ATAD2B: variants seen among roughly 807,000 people sequenced by gnomAD.
The protein encoded by ATAD2B is ATPase family AAA domain containing 2B.
In ATAD2B, 40 loss-of-function variants were observed where a neutral mutation model predicts 167.6. That is an observed-to-expected ratio of 0.24 (90% CI 0.19 to 0.31). The LOEUF is 0.31. Among genes scored for constraint, ATAD2B ranks in the 10% least tolerant of loss-of-function variants. ATAD2B has a pLI of 1.00. For synonymous variants in ATAD2B, 579 were observed against 596.5 expected (o/e 0.97, Z 0.43); for missense variants, 1,242 against 1,757.2 (o/e 0.71, Z 5.24).
At chr2:23,801,823 C>T (rs1260064748) in intron 18 of ATAD2B, among the ~76,000 whole-genome samples, 1 of 152,050 alleles carries the variant, frequency 6.6e-6, no homozygotes. Context: ...CAAGGAAGCA[C>T]TCATGATATA....
chr2:23,741,717 C>G, the ATAD2B span, among the ~76,000 whole-genome samples: 1 of 152,062 alleles, frequency 6.6e-6, no homozygotes, highest in Admixed American at 6.5e-5. Context: ...TCTAATTAAA[C>G]TAAAGAGCTT....
the ATAD2B span, among the ~76,000 whole-genome samples, chr2:23,737,933 G>C: frequency 6.6e-6 from 1 of 152,110 alleles, no homozygotes; most frequent in East Asian, 1.9e-4. Flanking sequence ...GCGATAAACT[G>C]GAAGAAAGGG....
chr2:23,904,537 C>CTTTTTTTTTTTTTTTTTTTTTTTTTTT (rs34666567), intron 1 of ATAD2B, among the ~76,000 whole-genome samples: 2 of 137,680 alleles, frequency 1.5e-5, no homozygotes, highest in African/African-American at 2.7e-5. Context: ...ATTTTCCTTC[C>CTTTTTTTTTTTTTTTTTTTTTTTTTTT]TTTTTTTTTT....
chr2:23,916,814 A>C (rs1275430316), intron 1 of ATAD2B, among the ~76,000 whole-genome samples: 1 of 152,226 alleles, frequency 6.6e-6, no homozygotes, highest in Non-Finnish European at 1.5e-5. Flanking sequence ...GTGAGCCTGG[A>C]AACAGCAGCC....
intron 4 of ATAD2B, among the ~76,000 whole-genome samples, chr2:23,886,368 T>A (rs1698661286): frequency 6.6e-6 from 1 of 152,148 alleles, no homozygotes; most frequent in South Asian, 2.1e-4. Context: ...AATATAAGGC[T>A]TTTGTTAATA....
chr2:23,679,283 T>C, the ATAD2B span, among the ~76,000 whole-genome samples: 326 of 152,356 alleles, frequency 2.1e-3, 1 homozygote, highest in African/African-American at 7.6e-3. Flanking sequence ...ACTCAGCCAA[T>C]CTAGGTCAGG....
Position 23,920,984 on chromosome 2 carries a change from C to T in ATAD2B, c.216+5571G>A, listed in dbSNP as rs566810793. ...CTTTGGGAGACCGAGGCGGGCGGGT[C>T]GCCTGAGGTCAGGAGTTCGAGACCA... On this transcript the variant is annotated intron_variant, in intron 1 of 27. Transcript: ENST00000238789. Among the ~76,000 whole-genome samples, 6 of 152,098 alleles carry T rather than the reference C, an allele frequency of 3.9e-5. No homozygotes were observed. In the East Asian group the frequency reaches 1.2e-3, roughly 29 times the overall value.
chr2:23,926,712 C>T lies in ATAD2B; in HGVS notation c.59G>A (p.Gly20Glu). ...RLLGSKSPGPGPGPGAGAEPG... is the reference protein window; with the variant it reads ...RLLGSKSPGPEPGPGAGAEPG... ...CTCTGCTCCGGCCCCAGGCCCAGGCCCGGGACCAGGAGACTTGGACCCGAG... is the reference window on the plus strand; with the variant it reads ...CTCTGCTCCGGCCCCAGGCCCAGGCTCGGGACCAGGAGACTTGGACCCGAG... The change falls in exon 1 of 28, where the codon GGG becomes GAG. Residue 20 changes from glycine (G) to glutamate (E), a missense_variant. Gly to Glu is a moderately conservative substitution (Grantham distance 98). This residue lies in a region of ATAD2B where 199 missense variants were observed against 194.9 expected (regional missense o/e 1.02). Coordinates refer to ENST00000238789, the MANE Select transcript of ATAD2B (RefSeq NM_017552.4). The T allele has an allele frequency of 6.5e-7, 1 of 1,550,054 alleles. No individual in the cohort carries two copies. Among genetic ancestry groups the T allele is most frequent in the African/African-American group, 1.4e-5 (1 of 73,024 alleles).
chr2:23,873,605 T>C (rs765894999), intron 8 of ATAD2B, among the ~76,000 whole-genome samples: 1 of 152,200 alleles, frequency 6.6e-6, no homozygotes, highest in Non-Finnish European at 1.5e-5. Context: ...GCTATATAAA[T>C]AGTCATCAAG....
intron 17 of ATAD2B, 53 bp downstream of exon 17, chr2:23,819,694 T>A: frequency 7.3e-7 from 1 of 1,361,644 alleles, no homozygotes; most frequent in Non-Finnish European, 1.0e-6. Flanking sequence ...ATTCTAATCA[T>A]AAAGTATCAA....
chr2:23,754,819 G>T, intron 25 of ATAD2B, 45 bp from the exon 26 acceptor site: 1 of 1,577,378 alleles, frequency 6.3e-7, no homozygotes, highest in Non-Finnish European at 8.6e-7. Flanking sequence ...TAAAAGTTAA[G>T]AAAAACCAGT....
At chr2:23,778,521 T>C (rs2149372039) in intron 22 of ATAD2B, among the ~76,000 whole-genome samples, 1 of 152,290 alleles carries the variant, frequency 6.6e-6, no homozygotes, top group South Asian at 2.1e-4. Flanking sequence ...AATATGCAGG[T>C]ACCCACTAAG....
the ATAD2B span, among the ~76,000 whole-genome samples, chr2:23,718,972 T>C: frequency 6.6e-6 from 1 of 152,210 alleles, no homozygotes; most frequent in South Asian, 2.1e-4. Context: ...TAATCTCCCA[T>C]CTTAAGATCC....
chr2:23,750,701 C>A lies in ATAD2B; in HGVS notation c.*1345G>T, dbSNP rs1675253179. On this transcript the variant is annotated 3_prime_UTR_variant, in exon 28 of 28. Coordinates refer to ENST00000238789, the MANE Select transcript of ATAD2B (RefSeq NM_017552.4). ...AATTTTCTTTTTGTTTAAAAATCAT[C>A]TGATAAAAAAAGTCACTGCATCCTT... 1 of 152,128 alleles carries A rather than the reference C, an allele frequency of 6.6e-6. No homozygotes were observed. The highest frequency in any genetic ancestry group is 1.5e-5 in the Non-Finnish European group (1 of 68,006). The allele number at this position is 152,128 out of a possible 1,614,324, so 9.4% of individuals were successfully genotyped here.
chr2:23,909,858 TG>T (rs1428012059), intron 1 of ATAD2B, among the ~76,000 whole-genome samples: 3 of 151,818 alleles, frequency 2.0e-5, no homozygotes, highest in Non-Finnish European at 1.5e-5. Flanking sequence ...TGTTTTTTTT[TG>T]TTTGTTTTTG....
At chr2:23,721,558 C>T in the ATAD2B span, among the ~76,000 whole-genome samples, 1 of 152,220 alleles carries the variant, frequency 6.6e-6, no homozygotes. Flanking sequence ...CCATGAGCTG[C>T]CCCAGGCAGA....
chr2:23,704,524 T>C, the ATAD2B span, among the ~76,000 whole-genome samples: 1 of 152,200 alleles, frequency 6.6e-6, no homozygotes. Flanking sequence ...CCCAGCACTT[T>C]GGGAGGCCGA....
chr2:23,815,793 G>C (rs1417244518), intron 17 of ATAD2B, among the ~76,000 whole-genome samples: 3 of 152,120 alleles, frequency 2.0e-5, no homozygotes, highest in Non-Finnish European at 4.4e-5. Context: ...ATGCCCAAAA[G>C]TATTCAATAA....
At chr2:23,874,953 G>A (rs1696597077) in intron 8 of ATAD2B, among the ~76,000 whole-genome samples, 1 of 151,854 alleles carries the variant, frequency 6.6e-6, no homozygotes, top group Non-Finnish European at 1.5e-5. Context: ...CTACTCGGAA[G>A]GCTGAGGCAG....
Sources: gnomAD v4.1 joint callset for allele counts (sites outside exome capture counted in the v4.1 genomes callset) on GRCh38, gnomAD v4.1.1 for gene constraint, gnomAD v4.1.1 regional missense constraint, MANE v1.5 for transcripts, NCBI Gene and HGNC (gene_info 2026-07-23, HGNC 2026-07-21) for gene names.